Variants in ADAMTS17 observed in about 807,000 individuals in gnomAD.
ADAMTS17 encodes the protein A disintegrin and metalloproteinase with thrombospondin motifs 17.
ADAMTS17 carries 113 observed loss-of-function variants against 141.5 expected under a neutral mutation model. That is an observed-to-expected ratio of 0.80 (90% confidence interval 0.69 to 0.93). The LOEUF (loss-of-function observed/expected upper bound fraction) is 0.93, where lower values mean the gene tolerates loss of function less well. Ranked by LOEUF, ADAMTS17 falls within the 40% of genes least tolerant of loss-of-function variation. The pLI, the probability that ADAMTS17 is intolerant of heterozygous loss-of-function variation, is 0.00. For missense variants in ADAMTS17, 1,659 were observed against 1,517.9 expected, an observed-to-expected ratio of 1.09 and a Z score of -1.54; for synonymous variants, 768 against 630.6, an observed-to-expected ratio of 1.22 and a Z score of -3.27.
intron 7 of ADAMTS17, among the ~76,000 whole-genome samples, chr15:100,234,087 G>C (rs531703722): frequency 6.6e-6 from 1 of 152,298 alleles, no homozygotes; most frequent in African/African-American, 2.4e-5. Context: ...AGGAGACCCA[G>C]CAGGCAAGGG....
intron 15 of ADAMTS17, among the ~76,000 whole-genome samples, chr15:100,054,501 C>T (rs1010551712): frequency 4.6e-5 from 7 of 152,210 alleles, no homozygotes; most frequent in African/African-American, 1.7e-4. Flanking sequence ...TCATCAGTTC[C>T]CTTTCCTATT....
chr15:100,087,271 T>G (rs1382848421), intron 15 of ADAMTS17, among the ~76,000 whole-genome samples: 1 of 152,076 alleles, frequency 6.6e-6, no homozygotes, highest in Non-Finnish European at 1.5e-5. Flanking sequence ...ACATACACCC[T>G]CCCAAGACGA....
At chr15:100,213,838 G>A (rs1313931442) in intron 7 of ADAMTS17, among the ~76,000 whole-genome samples, 2 of 152,232 alleles carry the variant, frequency 1.3e-5, no homozygotes, top group Admixed American at 6.5e-5. Flanking sequence ...CAGTAGAGAA[G>A]GGCCATCTGG....
At chr15:100,278,748 T>G (rs2044186427) in intron 4 of ADAMTS17, among the ~76,000 whole-genome samples, 2 of 152,176 alleles carry the variant, frequency 1.3e-5, no homozygotes, top group South Asian at 4.1e-4. Flanking sequence ...CAAGCAGGAT[T>G]GCCGTGGGGT....
chr15:100,107,672 A>G (rs1257483280), intron 14 of ADAMTS17, among the ~76,000 whole-genome samples: 2 of 152,134 alleles, frequency 1.3e-5, no homozygotes, highest in African/African-American at 2.4e-5. Context: ...GAGACTCACA[A>G]GAGAGCTCAC....
chr15:100,254,062 C>A, intron 7 of ADAMTS17, 74 bp downstream of exon 7: 1 of 1,456,286 alleles, frequency 6.9e-7, no homozygotes, highest in Non-Finnish European at 9.6e-7. Flanking sequence ...AGCTCCTCCA[C>A]TGTGACCAGG....
chr15:100,173,860 G>C (rs926667636), intron 8 of ADAMTS17, among the ~76,000 whole-genome samples: 19 of 152,284 alleles, frequency 1.2e-4, no homozygotes, highest in African/African-American at 4.6e-4. Context: ...CCAGGCATCT[G>C]AATTTTACAG....
intron 8 of ADAMTS17, among the ~76,000 whole-genome samples, chr15:100,188,070 C>A (rs374183266): frequency 4.6e-5 from 7 of 151,510 alleles, no homozygotes; most frequent in Non-Finnish European, 1.0e-4. Flanking sequence ...GGTGACAGAG[C>A]GAGGTCCTCT....
chr15:100,092,758 C>T (rs995278943), intron 15 of ADAMTS17, among the ~76,000 whole-genome samples: 4 of 152,078 alleles, frequency 2.6e-5, no homozygotes, highest in Admixed American at 6.5e-5. Flanking sequence ...TTAAGGATTA[C>T]GTGAAAAGGT....
intron 7 of ADAMTS17, among the ~76,000 whole-genome samples, chr15:100,220,730 G>A (rs974297857): frequency 1.3e-5 from 2 of 152,130 alleles, no homozygotes; most frequent in South Asian, 2.1e-4. Context: ...CTGTGCACTC[G>A]CCTCTTCTGG....
intron 13 of ADAMTS17, among the ~76,000 whole-genome samples, chr15:100,116,157 A>G (rs1009889968): frequency 6.7e-6 from 1 of 150,278 alleles, no homozygotes; most frequent in East Asian, 1.9e-4. Context: ...AAAAAAAAAA[A>G]ACCCAACAAC....
intron 20 of ADAMTS17, among the ~76,000 whole-genome samples, chr15:99,984,245 G>C (rs1390477108): frequency 6.6e-6 from 1 of 152,184 alleles, no homozygotes; most frequent in Admixed American, 6.5e-5. Flanking sequence ...AGAGCTCTTG[G>C]GGACTGAAGC....
At chr15:100,240,156 G>A (rs1486353241) in intron 7 of ADAMTS17, among the ~76,000 whole-genome samples, 2 of 152,196 alleles carry the variant, frequency 1.3e-5, no homozygotes, top group African/African-American at 4.8e-5. Flanking sequence ...CCCACCTCAA[G>A]CCTAAGGCTA....
Position 100,341,014 on chromosome 15 carries a change from G to A in ADAMTS17, c.450+25C>T, listed in dbSNP as rs1372804670. The stretch of plus-strand genomic sequence containing the variant: ...TGCGTCGCAACAGACCGGACGGGCC[G>A]ACCCGGAGGTGGCGCGGGCAGTACC... On this transcript the variant is annotated intron_variant, in intron 2 of 21. Transcript: ENST00000268070. 9.9e-6 allele frequency: 15 copies of A among 1,519,196 alleles called. No homozygotes were observed. In the Admixed American group the frequency reaches 9.9e-5, roughly 10 times the overall value. 94.1% of individuals were successfully genotyped at this position (1,519,196 alleles called of 1,614,324 possible). A position where few individuals can be genotyped will look rare whatever the true frequency, so the allele number is the denominator to read the frequency against.
chr15:100,181,984 C>T (rs1274145406), intron 8 of ADAMTS17, among the ~76,000 whole-genome samples: 1 of 152,244 alleles, frequency 6.6e-6, no homozygotes, highest in Non-Finnish European at 1.5e-5. Context: ...CCTGCCAAAA[C>T]TCAAGTTCCA....
At chr15:100,090,650 C>T (rs892074292) in intron 15 of ADAMTS17, among the ~76,000 whole-genome samples, 3 of 152,180 alleles carry the variant, frequency 2.0e-5, no homozygotes, top group South Asian at 2.1e-4. Context: ...GACCTCTCAA[C>T]GCAGGGCAGT....
chr15:100,246,309 C>A lies in ADAMTS17; in HGVS notation c.1075+7827G>T, dbSNP rs368857835. The stretch of plus-strand genomic sequence containing the variant: ...ATGCGACTTTCCTAAGTCTTTTAAG[C>A]AGATGGTCTATTTTTTAATACTATG... On this transcript the variant is annotated intron_variant, in intron 7 of 21. Transcript: ENST00000268070. Among the ~76,000 whole-genome samples the A allele has an allele frequency of 2.0e-3, 307 of 152,226 alleles. 4 individuals carry two copies. In the South Asian group the frequency reaches 0.054, roughly 27 times the overall value.
chr15:100,136,773 T>A (rs1299637534), intron 10 of ADAMTS17, among the ~76,000 whole-genome samples: 1 of 152,246 alleles, frequency 6.6e-6, no homozygotes, highest in African/African-American at 2.4e-5. Flanking sequence ...GAAGGTCTTA[T>A]TCTCAGATTG....
chr15:99,996,795 CCAAA>C (rs1239362659), intron 19 of ADAMTS17, among the ~76,000 whole-genome samples: 1 of 151,770 alleles, frequency 6.6e-6, no homozygotes, highest in Admixed American at 6.6e-5. Flanking sequence ...AGTTTTATAG[CCAAA>C]CAGTCAAAAT....
Sources: allele counts gnomAD v4.1 joint callset (sites outside exome capture counted in the v4.1 genomes callset), GRCh38; gene constraint gnomAD v4.1.1; transcripts MANE v1.5; gene names NCBI Gene and HGNC (gene_info 2026-07-23, HGNC 2026-07-21).